Variants in INTS11 observed in about 807,000 individuals in gnomAD.
INTS11 encodes CPSF3-like protein.
Under a neutral mutation model 78.6 loss-of-function variants are expected in INTS11, and 77 were observed. The ratio of observed to expected loss-of-function variants is 0.98; its 90% CI spans 0.81 to 1.18. The LOEUF (loss-of-function observed/expected upper bound fraction) is 1.18, where lower values mean the gene tolerates loss of function less well. INTS11 is among the 50% of genes most tolerant of loss of function. The pLI, the probability that INTS11 is intolerant of heterozygous loss-of-function variation, is 0.00. For synonymous variants in INTS11, 441 were observed against 326.9 expected, an observed-to-expected ratio of 1.35 and a Z score of -3.77; for missense variants, 875 against 825.9, an observed-to-expected ratio of 1.06 and a Z score of -0.73.
chr1:1,321,780 G>T, intron 1 of INTS11: 1 of 642,730 alleles, frequency 1.6e-6, no homozygotes, highest in Non-Finnish European at 2.4e-6. Context: ...GCCTTGGCCA[G>T]CCAAGGCACA....
rs371862408 is a variant in INTS11 at position 1,314,329 on chromosome 1, C to T, written c.739G>A (p.Glu247Lys). The change falls in exon 8 of 17, where the codon GAG becomes AAG. Residue 247 changes from glutamate (E) to lysine (K), a missense_variant. By Grantham distance (56) the Glu-to-Lys change is moderately conservative. Transcript: ENST00000435064. This position sits in a 1 kb window ranked among gnomAD's most constrained non-coding sequence, Gnocchi z 4.2. ...IPVFALGRAQ[E>K]LCILLETFWE... ...AAGGTCTCCAGGAGGATGCAGAGCT[C>T]CTGGGCGCGGCCCAGCGCGAACACA... 5.0e-6 allele frequency: 8 copies of T among 1,606,450 alleles called. No homozygotes were observed. In the Admixed American group the frequency reaches 5.1e-5, roughly 10 times the overall value.
chr1:1,315,615 C>T lies in INTS11; in HGVS notation c.433G>A (p.Asp145Asn). 1 of 1,608,978 alleles carries T rather than the reference C, an allele frequency of 6.2e-7. No individual in the cohort carries two copies. Among genetic ancestry groups the T allele is most frequent in the Non-Finnish European group, 8.5e-7 (1 of 1,178,268 alleles). ...TAGGCCTTGATCTCCAGCTCATCAT[C>T]TACCTGTGGAGGACAGGGCTGCGCT... The part of the protein sequence containing the change: ...AVHLHQTVQV[D>N]DELEIKAYYA... Residue 145 changes from aspartate to asparagine, a missense_variant, in exon 5 of 17, where the codon GAT becomes AAT. Transcript: ENST00000435064.
chr1:1,320,919 C>T (rs1642907780), intron 2 of INTS11, 77 bp downstream of exon 2: 3 of 1,297,836 alleles, frequency 2.3e-6, no homozygotes, highest in East Asian at 2.3e-5. Context: ...ACCCCACTGT[C>T]CCGGCTCTGA....
intron 6 of INTS11, 47 bp downstream of exon 6, chr1:1,315,357 A>C (rs901942079): frequency 6.2e-6 from 10 of 1,610,698 alleles, no homozygotes; most frequent in Middle Eastern, 1.7e-4. Context: ...AAGGGTCCTG[A>C]GCTCCAGGGG....
intron 1 of INTS11, chr1:1,323,184 A>G (rs1278312131): frequency 2.6e-6 from 4 of 1,550,202 alleles, no homozygotes; most frequent in African/African-American, 2.7e-5. Context: ...CGCTCACGCC[A>G]TGGGGGAGGA....
Position 1,313,754 on chromosome 1 carries a change from AAAGCCCGGTCG to A in INTS11, c.924_934del (p.Asp309CysfsTer2), listed in dbSNP as rs1642398559. On this transcript the variant is annotated frameshift_variant, in exon 9 of 17. Coordinates refer to ENST00000435064, the MANE Select transcript of INTS11 (RefSeq NM_017871.6). LOFTEE classifies it high-confidence loss of function. ...CACCATCGGTCCTGGGTTGTCAGCA[AAAGCCCGGTCG>A]AAGGCCTTGATGTGCTTGAACTCAA... is the stretch of plus-strand genomic sequence containing the variant. The A allele has an allele frequency of 4.3e-6, 7 of 1,613,106 alleles. No individual in the cohort carries two copies. Among genetic ancestry groups the A allele is most frequent in the Non-Finnish European group, 5.9e-6 (7 of 1,179,944 alleles).
Position 1,319,515 on chromosome 1 carries a change from G to A in INTS11, c.210C>T (p.His70=), listed in dbSNP as rs1186917176. The A allele has an allele frequency of 2.5e-6, 4 of 1,578,672 alleles. No individual in the cohort carries two copies. The highest frequency in any genetic ancestry group is 3.4e-6 in the Non-Finnish European group (4 of 1,160,598). ...FLDCVIISHF[H]LDHCGALPYF... ...AGGGGAGTGCCCCGCAGTGGTCCAGGTGGAAGTGGCTAGGGGGACGCAGCA... is the reference window on the plus strand; with the variant it reads ...AGGGGAGTGCCCCGCAGTGGTCCAGATGGAAGTGGCTAGGGGGACGCAGCA... Residue 70 remains histidine (H), a synonymous_variant, in exon 4 of 17, where the codon CAC becomes CAT. Coordinates refer to ENST00000435064, the MANE Select transcript of INTS11 (RefSeq NM_017871.6).
intron 1 of INTS11, among the ~76,000 whole-genome samples, chr1:1,324,132 G>A (rs1388456993): frequency 1.3e-5 from 1 of 77,632 alleles, no homozygotes; most frequent in Non-Finnish European, 2.4e-5. Context: ...GCGGGGCTGA[G>A]GGGCTGGGGG....
rs934247689 is a variant in INTS11 at position 1,323,851 on chromosome 1, G to A, written c.28+730C>T. ...CAGAGTGGTGGACAGAAAGCAAGAC[G>A]TGAGGAGGCAGAAGCGGGGCTGGGG... On this transcript the variant is annotated intron_variant, in intron 1 of 16. Coordinates refer to ENST00000435064, the MANE Select transcript of INTS11 (RefSeq NM_017871.6). 3.4e-5 allele frequency among the ~76,000 whole-genome samples: 3 copies of A among 88,078 alleles called. 1 individual carries two copies. Among genetic ancestry groups the A allele is most frequent in the Admixed American group, 2.7e-4 (2 of 7,464 alleles). 57.8% of individuals were successfully genotyped at this position (88,078 alleles called of 152,430 possible).
rs1215396748 is a variant in INTS11, at chr1:1,318,384, G to A, written c.429+912C>T. 3.3e-5 allele frequency among the ~76,000 whole-genome samples: 5 copies of A among 152,202 alleles called. No individual in the cohort carries two copies. In the East Asian group the frequency reaches 9.6e-4, roughly 29 times the overall value. ...AAATGTACTGAGGGAGTTGCCAGGT[G>A]TGGTGACTCATGCCTGTAATCCGAG... On this transcript the variant is annotated intron_variant, in intron 4 of 16. Transcript: ENST00000435064.
chr1:1,312,059 C>T lies in INTS11; in HGVS notation c.1696G>A (p.Asp566Asn). The change falls in exon 16 of 17, where the codon GAC becomes AAC. Residue 566 changes from aspartate (D) to asparagine (N), a missense_variant. By Grantham distance (23) the Asp-to-Asn change is conservative. Coordinates refer to ENST00000435064, the MANE Select transcript of INTS11 (RefSeq NM_017871.6). ...ACCAGCAGCACCTTGGTGCCTGGGT[C>T]CTCAGAAGGGGCGGCGGCCTGGAGG... is the stretch of plus-strand genomic sequence containing the variant. Reference protein sequence around the residue: ...VLLQAAAPSEDPGTKVLLVSW... With the variant: ...VLLQAAAPSENPGTKVLLVSW... The T allele has an allele frequency of 1.3e-6, 2 of 1,573,600 alleles. No homozygotes were observed. The highest frequency in any genetic ancestry group is 1.7e-6 in the Non-Finnish European group (2 of 1,158,674).
chr1:1,319,238 G>A (rs1388118325), intron 4 of INTS11, 58 bp downstream of exon 4: 5 of 1,385,214 alleles, frequency 3.6e-6, no homozygotes, highest in Admixed American at 3.3e-5. Context: ...CGGGCGGAGG[G>A]CATGGTTGGT....
chr1:1,313,384 G>A, intron 10 of INTS11, 125 bp downstream of exon 10: 7 of 1,105,898 alleles, frequency 6.3e-6, no homozygotes, highest in Non-Finnish European at 8.1e-6. Flanking sequence ...CCGTTCCCCA[G>A]CAGCAGCAGC....
chr1:1,314,879 C>T lies in INTS11; in HGVS notation c.647G>A (p.Cys216Tyr), dbSNP rs1188107888. 1 of 1,613,098 alleles carries T rather than the reference C, an allele frequency of 6.2e-7. No homozygotes were observed. The highest frequency in any genetic ancestry group is 8.5e-7 in the Non-Finnish European group (1 of 1,179,924). The change falls in exon 7 of 17, where the codon TGC becomes TAC. Residue 216 changes from cysteine (C) to tyrosine (Y), a missense_variant. By Grantham distance (194) the Cys-to-Tyr change is radical (BLOSUM62 -2). Coordinates refer to ENST00000435064, the MANE Select transcript of INTS11 (RefSeq NM_017871.6). This position sits in a 1 kb window ranked among gnomAD's most constrained non-coding sequence, Gnocchi z 4.2. ...YATTIRDSKR[C>Y]RERDFLKKVH... ...TTTCTTCAGGAAGTCTCGCTCCCGGCAGCGCTTGGAGTCACGGATGGTCGT... is the reference window on the plus strand; with the variant it reads ...TTTCTTCAGGAAGTCTCGCTCCCGGTAGCGCTTGGAGTCACGGATGGTCGT...
chr1:1,318,404 T>C (rs896180294), intron 4 of INTS11, among the ~76,000 whole-genome samples: 4 of 152,158 alleles, frequency 2.6e-5, no homozygotes, highest in African/African-American at 9.7e-5. Context: ...ATGCCTGTAA[T>C]CCGAGCACTT....
chr1:1,319,479 C>T lies in INTS11; in HGVS notation c.246G>A (p.Glu82=), dbSNP rs754786274. Residue 82 remains glutamate, a synonymous_variant, in exon 4 of 17, where the codon GAG becomes GAA. Coordinates refer to ENST00000435064, the MANE Select transcript of INTS11 (RefSeq NM_017871.6). ...DHCGALPYFS[E]MVGYDGPIYM... ...AGATGGGCCCGTCGTAGCCCACCAT[C>T]TCGCTGAAGTAGGGGAGTGCCCCGC... 1.2e-6 allele frequency: 2 copies of T among 1,605,920 alleles called. No homozygotes were observed. Among genetic ancestry groups the T allele is most frequent in the Non-Finnish European group, 8.5e-7 (1 of 1,175,662 alleles).
Position 1,314,897 on chromosome 1 carries a change from A to G in INTS11, c.629T>C (p.Ile210Thr). Reference protein sequence around the residue: ...LITESTYATTIRDSKRCRERD... With the variant: ...LITESTYATTTRDSKRCRERD... ...CTCCCGGCAGCGCTTGGAGTCACGG[A>G]TGGTCGTGGCGTACGTGGACTCTGT... is the stretch of plus-strand genomic sequence containing the variant. The change falls in exon 7 of 17, where the codon ATC (isoleucine) becomes ACC (threonine). Residue 210 changes from isoleucine (I) to threonine (T), a missense_variant. Transcript: ENST00000435064. The surrounding 1 kb of genome is among the most constrained non-coding windows in gnomAD (Gnocchi z 4.2). 6.2e-7 allele frequency: 1 copy of G among 1,613,054 alleles called. No homozygotes were observed. The highest frequency in any genetic ancestry group is 8.5e-7 in the Non-Finnish European group (1 of 1,179,914).
In INTS11 at chr1:1,314,739, G is replaced by A; in HGVS notation, c.702+85C>T. On this transcript the variant is annotated intron_variant, in intron 7 of 16. Coordinates refer to ENST00000435064, the MANE Select transcript of INTS11 (RefSeq NM_017871.6). This position sits in a 1 kb window ranked among gnomAD's most constrained non-coding sequence, Gnocchi z 4.2. ...GCAGTACCCCCCACCCTGAGACCCT[G>A]ACCCATGCCAAGGGCAGCCAAGCCT... The A allele has an allele frequency of 6.7e-7, 1 of 1,497,622 alleles. No individual in the cohort carries two copies. Among genetic ancestry groups the A allele is most frequent in the Non-Finnish European group, 9.1e-7 (1 of 1,093,920 alleles). The allele number at this position is 1,497,622 out of a possible 1,614,324, so 92.8% of individuals were successfully genotyped here. A position where few individuals can be genotyped will look rare whatever the true frequency, so the allele number is the denominator to read the frequency against.
chr1:1,312,379 G>T lies in INTS11; in HGVS notation c.1465-11C>A. The T allele has an allele frequency of 6.4e-7, 1 of 1,567,130 alleles. No individual in the cohort carries two copies. Among genetic ancestry groups the T allele is most frequent in the Non-Finnish European group, 8.7e-7 (1 of 1,155,420 alleles). ...CACCAGCCGGAAGTTCTGTGGGGCAGGGACAGGTCAGTGAGCGCAGCAGCG... is the reference window on the plus strand; with the variant it reads ...CACCAGCCGGAAGTTCTGTGGGGCATGGACAGGTCAGTGAGCGCAGCAGCG... On this transcript the variant is annotated splice_polypyrimidine_tract_variant and intron_variant, in intron 14 of 16. Coordinates refer to ENST00000435064, the MANE Select transcript of INTS11 (RefSeq NM_017871.6).
Sources: gnomAD v4.1 joint callset for allele counts (sites outside exome capture counted in the v4.1 genomes callset) on GRCh38, gnomAD v4.1.1 for gene constraint, Gnocchi (gnomAD v3.1) non-coding constraint, MANE v1.5 for transcripts, NCBI Gene and HGNC (gene_info 2026-07-23, HGNC 2026-07-21) for gene names.